Variants in GNL3L observed in about 807,000 individuals in gnomAD.
The protein encoded by GNL3L is G protein nucleolar 3 like, also known as guanine nucleotide-binding protein-like 3-like protein.
A neutral mutation model predicts 42.9 loss-of-function variants in GNL3L; 4 were observed. The observed-to-expected ratio is 0.09, with a 90% CI of 0.05 to 0.21. The LOEUF (loss-of-function observed/expected upper bound fraction) is 0.21. GNL3L is among the 10% of genes least tolerant of loss of function. The pLI is 1.00. For missense variants in GNL3L, 412 were observed against 481.7 expected (o/e 0.86, Z 1.36); for synonymous variants, 159 against 176.3 (o/e 0.90, Z 0.78).
At chrX:54,574,912 A>T (rs1339110830) in intron 16 of GNL3L, among the ~76,000 whole-genome samples, 4 of 111,859 alleles carry the variant, frequency 3.6e-5, no homozygotes, top group Non-Finnish European at 7.5e-5. Context: ...TTGTTCATAG[A>T]ATTTGCTTAT....
chrX:54,603,866 G>T (rs1200299892), intron 16 of GNL3L, among the ~76,000 whole-genome samples: 1 of 111,675 alleles, frequency 9.0e-6, no homozygotes, highest in African/African-American at 3.3e-5. Flanking sequence ...AATTTAAAAA[G>T]GGGCCAGGAG....
rs184343955 is a variant in GNL3L at position 54,575,729 on chromosome X, G to A, written c.*45+15082G>A. ...AGCCTGGGTGACAGAGCAAGACTCC[G>A]TCTCAAAAAACAAAAACAAACAACA... On this transcript the variant is annotated intron_variant, in intron 16 of 16. Transcript: ENST00000674498. Among the ~76,000 whole-genome samples, 70 of 108,381 alleles carry A rather than the reference G, an allele frequency of 6.5e-4. No homozygotes were observed. The East Asian group carries it at 0.018, about 28-fold the overall frequency. The allele number at this position is 108,381 out of a possible 115,157, so 94.1% of individuals were successfully genotyped here.
intron 16 of GNL3L, among the ~76,000 whole-genome samples, chrX:54,607,070 T>C (rs56356350): frequency 2.1e-5 from 1 of 48,578 alleles, no homozygotes; most frequent in Non-Finnish European, 3.6e-5. Flanking sequence ...CTTTCTTTCT[T>C]TCTCTTTCTT....
At chrX:54,606,998 TTCTTTCTTTCTTTCTTTC>T (rs1926072748) in intron 16 of GNL3L, among the ~76,000 whole-genome samples, 1 of 16,625 alleles carries the variant, frequency 6.0e-5, no homozygotes, top group Admixed American at 6.6e-4. Flanking sequence ...TTCCTTTCCT[TTCTTTCTTTCTTTCTTTC>T]TTTCTTTCTT....
chrX:54,565,005 G>A lies in GNL3L; in HGVS notation c.*4403G>A, dbSNP rs1376672275. On this transcript the variant is annotated 3_prime_UTR_variant, in exon 16 of 16. Coordinates refer to ENST00000360845, the MANE Select transcript of GNL3L (RefSeq NM_001184819.2). ...CCACCTCGGCCTCCCAAAGTGCTGG[G>A]ATTATAGGCATGAACCACCGTGTCC... Among the ~76,000 whole-genome samples the A allele has an allele frequency of 9.0e-6, 1 of 110,538 alleles. No individual in the cohort carries two copies. Among genetic ancestry groups the A allele is most frequent in the Non-Finnish European group, 1.9e-5 (1 of 52,917 alleles).
At chrX:54,603,370 A>G (rs1926024656) in intron 16 of GNL3L, among the ~76,000 whole-genome samples, 3 of 112,076 alleles carry the variant, frequency 2.7e-5, no homozygotes, top group South Asian at 7.4e-4. Flanking sequence ...TTATTTTGCA[A>G]CCATCATAGT....
chrX:54,607,021 TTTC>T lies in GNL3L; in HGVS notation c.*46-13821_*46-13819del, dbSNP rs1330599910. On this transcript the variant is annotated intron_variant, in intron 16 of 16. Coordinates refer to the GNL3L transcript ENST00000674498. ...CTTTCTTTCTTTCTTTCTTTCTTTC[TTTC>T]TTTCTTTCTTTCTTTCTTTCTTTCT... Among the ~76,000 whole-genome samples the T allele has an allele frequency of 1.8e-4, 11 of 61,599 alleles. 1 individual carries two copies. The highest frequency in any genetic ancestry group is 1.2e-3 in the African/African-American group (10 of 8,509). The allele number at this position is 61,599 out of a possible 115,157, so 53.5% of individuals were successfully genotyped here. A position where few individuals can be genotyped will look rare whatever the true frequency, so the allele number is the denominator to read the frequency against.
downstream of GNL3L, among the ~76,000 whole-genome samples, chrX:54,570,860 C>T (rs994873652): frequency 1.6e-4 from 18 of 111,022 alleles, no homozygotes. Flanking sequence ...TACTTTAAGT[C>T]CTCTTTTAAA....
rs1392457661 is a variant in GNL3L, at chrX:54,620,674, A to C, written c.*46-171A>C. Among the ~76,000 whole-genome samples the C allele has an allele frequency of 8.9e-5, 10 of 111,868 alleles. No individual in the cohort carries two copies. In the Admixed American group the frequency reaches 9.5e-4, roughly 11 times the overall value. On this transcript the variant is annotated intron_variant, in intron 16 of 16. Transcript: ENST00000674498. ...TGCCCAGCAGCGGGATTGCTGGATC[A>C]TATGGTAGCTCTATTTTTAGTTTTT...
At chrX:54,611,530 A>G (rs972014507) in intron 16 of GNL3L, among the ~76,000 whole-genome samples, 7 of 111,543 alleles carry the variant, frequency 6.3e-5, no homozygotes, top group Middle Eastern at 4.6e-3. Flanking sequence ...TGTATCCCCA[A>G]GGTTTTGATA....
intron 16 of GNL3L, among the ~76,000 whole-genome samples, chrX:54,607,003 T>TCTTTCTTTCTTTCTTC (rs1926074024): frequency 5.0e-5 from 1 of 19,893 alleles, no homozygotes; most frequent in South Asian, 2.5e-3. Flanking sequence ...TTCCTTTCTT[T>TCTTTCTTTCTTTCTTC]CTTTCTTTCT....
At chrX:54,598,092 G>T (rs182931112) in intron 16 of GNL3L, among the ~76,000 whole-genome samples, 14 of 111,543 alleles carry the variant, frequency 1.3e-4, no homozygotes, top group African/African-American at 4.2e-4. Flanking sequence ...TCTTGCAGGG[G>T]GGACAATTGG....
chrX:54,592,595 C>T (rs764478090), intron 16 of GNL3L, among the ~76,000 whole-genome samples: 6 of 111,080 alleles, frequency 5.4e-5, no homozygotes, highest in Admixed American at 3.8e-4. Flanking sequence ...GCAGGTGGAT[C>T]GCTTGAGCCC....
exon 17 of GNL3L, among the ~76,000 whole-genome samples, chrX:54,621,130 TCTC>T (rs1484834615): frequency 8.9e-6 from 1 of 111,974 alleles, no homozygotes; most frequent in African/African-American, 3.2e-5. Flanking sequence ...GAAGTCAAGT[TCTC>T]CTCTCTTTGA....
chrX:54,642,046 AC>A, the GNL3L span, among the ~76,000 whole-genome samples: 2 of 112,112 alleles, frequency 1.8e-5, no homozygotes, highest in East Asian at 5.6e-4. Flanking sequence ...TCTGTACTTC[AC>A]TTCCTGCCCT....
intron 13 of GNL3L, 106 bp from the exon 14 acceptor site, chrX:54,554,459 T>C (rs1358276116): frequency 1.0e-5 from 8 of 778,117 alleles, no homozygotes; most frequent in Admixed American, 3.3e-5. Flanking sequence ...TTCCTGCACC[T>C]GACTCCCCTG....
intron 16 of GNL3L, among the ~76,000 whole-genome samples, chrX:54,599,720 A>G (rs917833082): frequency 4.5e-5 from 5 of 110,712 alleles, no homozygotes; most frequent in South Asian, 3.8e-4. Context: ...ATAGTTCCAC[A>G]GGTTGCTGAG....
At chrX:54,586,511 C>T (rs1001921393) in intron 16 of GNL3L, among the ~76,000 whole-genome samples, 2 of 112,010 alleles carry the variant, frequency 1.8e-5, no homozygotes, top group African/African-American at 6.5e-5. Context: ...TGTATTCTCA[C>T]ATGCCCCAAG....
At chrX:54,603,784 A>G (rs756175714) in intron 16 of GNL3L, among the ~76,000 whole-genome samples, 7 of 111,424 alleles carry the variant, frequency 6.3e-5, no homozygotes, top group Admixed American at 1.9e-4. Context: ...CTCTGGGTGA[A>G]GAATACATGG....
Sources: gnomAD v4.1 joint callset for allele counts (sites outside exome capture counted in the v4.1 genomes callset) on GRCh38, gnomAD v4.1.1 for gene constraint, MANE v1.5 for transcripts, NCBI Gene and HGNC (gene_info 2026-07-23, HGNC 2026-07-21) for gene names.